CHD4: variants seen among roughly 807,000 people sequenced by gnomAD.
CHD4 encodes the protein chromodomain helicase DNA binding protein 4.
In CHD4, 35 loss-of-function variants were observed where a neutral mutation model predicts 235.5. The observed-to-expected ratio is 0.15, with a 90% CI of 0.11 to 0.20. The LOEUF (loss-of-function observed/expected upper bound fraction) is 0.20. CHD4 is among the 10% of genes least tolerant of loss of function. The pLI is 1.00. For missense variants in CHD4, 1,329 were observed against 2,432.3 expected (o/e 0.55, Z 9.54); for synonymous variants, 900 against 850.2 (o/e 1.06, Z -1.02).
At chr12:6,577,037 A>G (rs1395146121) in intron 37 of CHD4, among the ~76,000 whole-genome samples, 5 of 152,108 alleles carry the variant, frequency 3.3e-5, no homozygotes, top group Non-Finnish European at 5.9e-5. Context: ...CCCGACTTCA[A>G]GCGATTCTCC....
At chr12:6,606,160 C>T (rs1948692824) in intron 2 of CHD4, 114 bp downstream of exon 2, 1 of 703,674 alleles carries the variant, frequency 1.4e-6, no homozygotes, top group Non-Finnish European at 2.4e-6. Context: ...ATACCCTCCA[C>T]CTCCGGCTCT....
chr12:6,581,392 C>G lies in CHD4; in HGVS notation c.4682-4G>C, dbSNP rs1333027396. The G allele has an allele frequency of 6.2e-7, 1 of 1,612,186 alleles. No individual in the cohort carries two copies. ...TCCTCTATTTTTATCCCATCTTCTG[C>G]AGAACAATAAAAGACAATCAATTAG... On this transcript the variant is annotated splice_region_variant and splice_polypyrimidine_tract_variant and intron_variant, in intron 31 of 39. Coordinates refer to ENST00000544040, the MANE Select transcript of CHD4 (RefSeq NM_001273.5).
chr12:6,593,082 A>C lies in CHD4; in HGVS notation c.2652+9T>G, dbSNP rs910751301. On this transcript the variant is annotated intron_variant, in intron 17 of 39. Transcript: ENST00000544040. The surrounding 1 kb of genome is among the most constrained non-coding windows in gnomAD (Gnocchi z 4.9). ...GTGGGGGCTCCAACATCCCTCCCTC[A>C]GCCCTCACCTTAGACTGATTGTTCT... 3 of 1,613,480 alleles carry C rather than the reference A, an allele frequency of 1.9e-6. No individual in the cohort carries two copies. The highest frequency in any genetic ancestry group is 2.5e-6 in the Non-Finnish European group (3 of 1,179,892).
At chr12:6,601,163 A>G in intron 6 of CHD4, 110 bp from the exon 7 acceptor site, 1 of 1,524,588 alleles carries the variant, frequency 6.6e-7, no homozygotes, top group Non-Finnish European at 8.8e-7. Context: ...ATTTCCCTCC[A>G]AAATCCAAGA....
Position 6,575,897 on chromosome 12 carries a change from C to T in CHD4, c.5361+1888G>A, listed in dbSNP as rs144328307. ...CCAGACATACTAAGCTTTGCTGGCT[C>T]ACATCTTTGCCCAACCTAATCCCTT... On this transcript the variant is annotated intron_variant, in intron 37 of 39. Coordinates refer to ENST00000544040, the MANE Select transcript of CHD4 (RefSeq NM_001273.5). Among the ~76,000 whole-genome samples the T allele has an allele frequency of 4.9e-4, 75 of 152,328 alleles. 1 individual carries two copies. The highest frequency in any genetic ancestry group is 1.7e-3 in the African/African-American group (72 of 41,574).
Position 6,606,267 on chromosome 12 carries a change from A to G in CHD4, c.100+7T>C, listed in dbSNP as rs1484912212. On this transcript the variant is annotated splice_region_variant and intron_variant, in intron 2 of 39. Coordinates refer to ENST00000544040, the MANE Select transcript of CHD4 (RefSeq NM_001273.5). The stretch of plus-strand genomic sequence containing the variant: ...TTCCCGCCATGGGCCCTTGGGGAAG[A>G]TGTTACCTGGGTGGGGTGGGGGCAG... 3.2e-6 allele frequency: 5 copies of G among 1,558,812 alleles called. No homozygotes were observed. The highest frequency in any genetic ancestry group is 4.4e-6 in the Non-Finnish European group (5 of 1,144,348).
At position 6,570,709 on chromosome 12, in the gene CHD4, C is replaced by T. The variant is rs369857098; in HGVS notation, c.5722-16G>A. 6.8e-6 allele frequency: 11 copies of T among 1,614,006 alleles called. No homozygotes were observed. Among genetic ancestry groups the T allele is most frequent in the East Asian group, 4.5e-5 (2 of 44,864 alleles). ...GCTGGGCTACCTAGAGAAGGAGACC[C>T]GAGGAGTCAGAATTCCAGATGATAG... On this transcript the variant is annotated splice_polypyrimidine_tract_variant and intron_variant, in intron 39 of 39. Coordinates refer to ENST00000544040, the MANE Select transcript of CHD4 (RefSeq NM_001273.5).
chr12:6,600,020 A>G lies in CHD4; in HGVS notation c.1243-8T>C, dbSNP rs1284548133. ...CTGGATGCCTTCCTTCTCCTGCAGT[A>G]AAGGACCACAGATTCAGATTATTAC... On this transcript the variant is annotated splice_polypyrimidine_tract_variant and splice_region_variant and intron_variant, in intron 9 of 39. Coordinates refer to ENST00000544040, the MANE Select transcript of CHD4 (RefSeq NM_001273.5). 1.8e-5 allele frequency: 29 copies of G among 1,613,884 alleles called. No individual in the cohort carries two copies. The highest frequency in any genetic ancestry group is 2.5e-5 in the Non-Finnish European group (29 of 1,179,846).
rs912607102 is a variant in CHD4, at chr12:6,570,151, T to C, written c.*525A>G. On this transcript the variant is annotated 3_prime_UTR_variant, in exon 40 of 40. Coordinates refer to ENST00000544040, the MANE Select transcript of CHD4 (RefSeq NM_001273.5). ...TGCTGTGGTTTTTTATGCTTTTGGT[T>C]TTTTCCTTTTTTTTTTTTTCCACTT... is the stretch of plus-strand genomic sequence containing the variant. 1.3e-5 allele frequency: 2 copies of C among 151,540 alleles called. No individual in the cohort carries two copies. The highest frequency in any genetic ancestry group is 4.8e-5 in the African/African-American group (2 of 41,250). The allele number at this position is 151,540 out of a possible 1,614,324, so 9.4% of individuals were successfully genotyped here.
In CHD4 at chr12:6,594,622, T is replaced by C; in HGVS notation, c.2150A>G (p.Glu717Gly). The C allele has an allele frequency of 6.2e-7, 1 of 1,613,774 alleles. No homozygotes were observed. The highest frequency in any genetic ancestry group is 8.5e-7 in the Non-Finnish European group (1 of 1,179,872). Residue 717 changes from glutamate (E) to glycine (G), a missense_variant, in exon 15 of 40, where the codon GAG (glutamate) becomes GGG (glycine). By Grantham distance (98) the Glu-to-Gly change is moderately conservative. This residue lies in a region of CHD4 where 121 missense variants were observed against 177.8 expected (regional missense o/e 0.68). Coordinates refer to ENST00000544040, the MANE Select transcript of CHD4 (RefSeq NM_001273.5). ...DPTVKYERQP[E>G]YLDATGGTLH... ...GGTTCCACCTGTAGCATCCAGGTAC[T>C]CTGGCTGTCGCTCATACTTCACTGT...
At position 6,601,275 on chromosome 12, in the gene CHD4, G is replaced by A; in HGVS notation, c.799+14C>T. ...ACACTAGACACCCCCACTCCCATTT[G>A]AACCCCATTTCACCTTTGCCCTCCT... On this transcript the variant is annotated intron_variant, in intron 6 of 39. Coordinates refer to ENST00000544040, the MANE Select transcript of CHD4 (RefSeq NM_001273.5). 6.2e-7 allele frequency: 1 copy of A among 1,611,026 alleles called. No individual in the cohort carries two copies. The highest frequency in any genetic ancestry group is 8.5e-7 in the Non-Finnish European group (1 of 1,177,768).
rs574834214 is a variant in CHD4, at chr12:6,575,512, T to G, written c.5362-2243A>C. Among the ~76,000 whole-genome samples the G allele has an allele frequency of 7.2e-4, 110 of 152,188 alleles. 3 individuals carry two copies. The South Asian group carries it at 0.021, about 30-fold the overall frequency. On this transcript the variant is annotated intron_variant, in intron 37 of 39. Coordinates refer to ENST00000544040, the MANE Select transcript of CHD4 (RefSeq NM_001273.5). Reference sequence around the variant, plus strand: ...TTGGTTTGGGGGGAGAAAAAAAGGTTTGCTGACCCCTACAGTAAGTCACTA... The same window carrying G: ...TTGGTTTGGGGGGAGAAAAAAAGGTGTGCTGACCCCTACAGTAAGTCACTA...
intron 35 of CHD4, 72 bp downstream of exon 35, chr12:6,578,337 C>G: frequency 6.5e-7 from 1 of 1,547,050 alleles, no homozygotes; most frequent in Non-Finnish European, 8.8e-7. Context: ...AGTCCCTGTA[C>G]CGTGGTTTCT....
Position 6,602,386 on chromosome 12 carries a change from T to C in CHD4, c.212A>G (p.Gln71Arg). 4 of 1,613,794 alleles carry C rather than the reference T, an allele frequency of 2.5e-6. No homozygotes were observed. Among genetic ancestry groups the C allele is most frequent in the Admixed American group, 1.7e-5 (1 of 59,906 alleles). The part of the protein sequence containing the change: ...RDPKIPKSKR[Q>R]KKERMLLCRQ... ...CAGTCACCCACTCACCTCCTTTTTT[T>C]GGCGCTTGCTCTTAGGGATTTTAGG... The change falls in exon 3 of 40, where the codon CAA becomes CGA. Residue 71 changes from glutamine (Q) to arginine (R), a missense_variant. Gln to Arg is a conservative substitution (Grantham distance 43, BLOSUM62 1). This residue lies in a region of CHD4 where 213 missense variants were observed against 177.5 expected (regional missense o/e 1.20). Transcript: ENST00000544040.
chr12:6,589,749 G>C (rs1162138278), intron 22 of CHD4, among the ~76,000 whole-genome samples: 1 of 147,412 alleles, frequency 6.8e-6, no homozygotes, highest in Non-Finnish European at 1.5e-5. Flanking sequence ...CCTGGTGACA[G>C]AGCAAGACTT....
At position 6,582,835 on chromosome 12, in the gene CHD4, G is replaced by A. The variant is rs752786970; in HGVS notation, c.4236+13C>T. 3.7e-6 allele frequency: 6 copies of A among 1,613,722 alleles called. No individual in the cohort carries two copies. The highest frequency in any genetic ancestry group is 1.3e-5 in the African/African-American group (1 of 74,902). ...CTGACACTCACCCCTCCTTAGAATC[G>A]TATGGCACTTACTTCAATATTCCCA... On this transcript the variant is annotated intron_variant, in intron 28 of 39. Transcript: ENST00000544040.
At chr12:6,580,958 G>C (rs1195765150) in intron 33 of CHD4, 86 bp downstream of exon 33, 1 of 1,497,734 alleles carries the variant, frequency 6.7e-7, no homozygotes, top group Non-Finnish European at 9.1e-7. Context: ...AGTAAGCCAA[G>C]ATCGCGCCAC....
intron 13 of CHD4, 71 bp from the exon 14 acceptor site, chr12:6,595,501 G>T: frequency 7.5e-7 from 1 of 1,324,584 alleles, no homozygotes; most frequent in Non-Finnish European, 1.1e-6. Flanking sequence ...GCCAGGCACA[G>T]TGGCTCACAC....
chr12:6,597,741 G>C (rs1297783680), intron 12 of CHD4, among the ~76,000 whole-genome samples, 153 bp downstream of exon 12: 2 of 152,210 alleles, frequency 1.3e-5, no homozygotes, highest in Non-Finnish European at 2.9e-5. Context: ...ACTCCAGCCT[G>C]GGCACAGAGT....
Sources: allele counts gnomAD v4.1 joint callset (sites outside exome capture counted in the v4.1 genomes callset), GRCh38; gene constraint gnomAD v4.1.1; regional missense constraint gnomAD v4.1.1; non-coding constraint Gnocchi (gnomAD v3.1); transcripts MANE v1.5; gene names NCBI Gene and HGNC (gene_info 2026-07-23, HGNC 2026-07-21).